Variants in TENM2 observed in about 807,000 individuals in gnomAD.
TENM2 encodes the protein teneurin transmembrane protein 2, also known as teneurin-2.
A neutral mutation model predicts 245.2 loss-of-function variants in TENM2; 52 were observed. The ratio of observed to expected loss-of-function variants is 0.21; its 90% CI spans 0.17 to 0.27. The LOEUF (loss-of-function observed/expected upper bound fraction) is 0.27. Among genes scored for constraint, TENM2 ranks in the 10% least tolerant of loss-of-function variants. The pLI, the probability that TENM2 is intolerant of heterozygous loss-of-function variation, is 1.00. For missense variants in TENM2, 3,046 were observed against 3,666.8 expected (o/e 0.83, Z 4.37); for synonymous variants, 1,363 against 1,438.9 (o/e 0.95, Z 1.19).
Position 167,956,282 on chromosome 5 carries a change from G to A in TENM2, c.947+3460G>A, listed in dbSNP as rs1004713451. On this transcript the variant is annotated intron_variant, in intron 4 of 28. Transcript: ENST00000518659. ...TTGGCTCTCTGTTTGTCTGTTATTG[G>A]TGTATAAAAATGCTTGTGATTTTTG... Among the ~76,000 whole-genome samples the A allele has an allele frequency of 3.3e-5, 5 of 152,092 alleles. No individual in the cohort carries two copies. In the East Asian group the frequency reaches 5.8e-4, roughly 18 times the overall value.
chr5:168,070,797 G>A (rs370732589), intron 7 of TENM2, among the ~76,000 whole-genome samples: 37 of 120,528 alleles, frequency 3.1e-4, no homozygotes, highest in African/African-American at 1.2e-3. Flanking sequence ...GAAAGAAAGA[G>A]AGAGAGAGAG....
chr5:167,933,870 T>G (rs1192102590), intron 3 of TENM2, among the ~76,000 whole-genome samples: 1 of 152,186 alleles, frequency 6.6e-6, no homozygotes, highest in Non-Finnish European at 1.5e-5. Flanking sequence ...CTATGTAAAG[T>G]TCTTAAAACA....
At chr5:167,353,500 GTT>G (rs59240930) in intron 1 of TENM2, among the ~76,000 whole-genome samples, 3 of 79,458 alleles carry the variant, frequency 3.8e-5, no homozygotes, top group South Asian at 6.1e-4. Flanking sequence ...TGTTGTTGTT[GTT>G]TTTTTTTTTT....
chr5:168,182,825 CTTTT>C (rs149579948), intron 13 of TENM2, among the ~76,000 whole-genome samples: 6 of 100,680 alleles, frequency 6.0e-5, no homozygotes, highest in African/African-American at 1.7e-4. Context: ...TCAGGGTGCT[CTTTT>C]TTTTTTTTTT....
intron 12 of TENM2, among the ~76,000 whole-genome samples, chr5:168,162,168 C>T (rs1384301702): frequency 1.3e-5 from 2 of 152,136 alleles, no homozygotes; most frequent in African/African-American, 2.4e-5. Context: ...TGAAAGATGG[C>T]GGGCACTTTG....
chr5:168,144,038 T>C lies in TENM2; in HGVS notation c.2422+17072T>C, dbSNP rs547968615. 2.4e-3 allele frequency among the ~76,000 whole-genome samples: 364 copies of C among 151,316 alleles called. 1 individual carries two copies. The highest frequency in any genetic ancestry group is 3.5e-3 in the Non-Finnish European group (240 of 67,808). ...CTAATTTTTTTTTTTTTTGTATTTT[T>C]AGTAGGGACAGAGTTTCGCCATGTT... On this transcript the variant is annotated intron_variant, in intron 12 of 28. Coordinates refer to ENST00000518659, the Ensembl canonical transcript of TENM2.
chr5:167,960,454 C>T (rs1021166823), intron 4 of TENM2, among the ~76,000 whole-genome samples: 2 of 152,196 alleles, frequency 1.3e-5, no homozygotes, highest in African/African-American at 4.8e-5. Flanking sequence ...CTGTGGTGGG[C>T]TCTGCCCAGT....
chr5:167,430,307 C>T (rs1344746847), intron 2 of TENM2, among the ~76,000 whole-genome samples: 2 of 152,150 alleles, frequency 1.3e-5, no homozygotes, highest in Non-Finnish European at 2.9e-5. Flanking sequence ...CAATCAAACT[C>T]GTACGGTAGA....
rs917626701 is a variant in TENM2 at position 167,626,059 on chromosome 5, A to G, written c.503-249927A>G. Among the ~76,000 whole-genome samples the G allele has an allele frequency of 9.2e-5, 14 of 152,160 alleles. No homozygotes were observed. The East Asian group carries it at 1.9e-3, about 21-fold the overall frequency. ...TTTCTTCCACATTCTGCTCTTTAAA[A>G]GTGATTCACTAAGCCCAGCCCACAT... On this transcript the variant is annotated intron_variant, in intron 2 of 28. Transcript: ENST00000518659.
At chr5:167,540,253 C>T (rs1313248265) in intron 2 of TENM2, among the ~76,000 whole-genome samples, 1 of 152,134 alleles carries the variant, frequency 6.6e-6, no homozygotes, top group East Asian at 1.9e-4. Context: ...GAAACTATCA[C>T]AAATTTAGAG....
At chr5:167,804,535 T>G (rs1296085170) in intron 2 of TENM2, among the ~76,000 whole-genome samples, 1 of 152,166 alleles carries the variant, frequency 6.6e-6, no homozygotes, top group Non-Finnish European at 1.5e-5. Flanking sequence ...ATATTCTGTT[T>G]TATTTCCTTT....
At chr5:167,142,461 CAT>C in the TENM2 span, among the ~76,000 whole-genome samples, 3 of 151,140 alleles carry the variant, frequency 2.0e-5, no homozygotes, top group Non-Finnish European at 1.5e-5. Flanking sequence ...AACTTTTATC[CAT>C]ATATATATAA....
At position 168,247,894 on chromosome 5, in the gene TENM2, C is replaced by T. The variant is rs1486674132; in HGVS notation, c.6955C>T (p.Leu2319=). Residue 2319 remains leucine, a synonymous_variant, in exon 27 of 29, where the codon CTG becomes TTG. Transcript: ENST00000518659. The surrounding 1 kb of genome is among the most constrained non-coding windows in gnomAD (Gnocchi z 7.8). Reference sequence around the variant, plus strand: ...CTACAAGACCAACCTGGGCCACCACCTGCAGTACTTCTACTCTGACCTCCA... The same window carrying T: ...CTACAAGACCAACCTGGGCCACCACTTGCAGTACTTCTACTCTGACCTCCA... 3.1e-6 allele frequency: 5 copies of T among 1,614,002 alleles called. No homozygotes were observed. In the South Asian group the frequency reaches 5.5e-5, roughly 18 times the overall value.
the TENM2 span, among the ~76,000 whole-genome samples, chr5:167,190,189 G>C: frequency 5.1e-4 from 77 of 152,008 alleles, no homozygotes; most frequent in African/African-American, 1.7e-3. Context: ...GAGTATAATG[G>C]GTATAAATAA....
chr5:167,445,177 T>C (rs1765086872), intron 2 of TENM2, among the ~76,000 whole-genome samples: 1 of 151,948 alleles, frequency 6.6e-6, no homozygotes. Flanking sequence ...CCCCATTTAA[T>C]GTGTAAATAA....
the TENM2 span, among the ~76,000 whole-genome samples, chr5:167,195,733 C>A: frequency 6.6e-6 from 1 of 151,230 alleles, no homozygotes. Context: ...TATTTGAATG[C>A]CAAAAAAATA....
intron 2 of TENM2, among the ~76,000 whole-genome samples, chr5:167,383,745 A>G (rs900635196): frequency 6.6e-6 from 1 of 151,222 alleles, no homozygotes; most frequent in African/African-American, 2.5e-5. Flanking sequence ...AAAAAAAAAA[A>G]AAAAACTTCC....
At chr5:167,814,714 G>A (rs1370897021) in intron 2 of TENM2, among the ~76,000 whole-genome samples, 2 of 151,518 alleles carry the variant, frequency 1.3e-5, no homozygotes, top group African/African-American at 2.4e-5. Context: ...CTATATAAAT[G>A]TAGTTATGTA....
chr5:167,778,218 A>G (rs1763942615), intron 2 of TENM2, among the ~76,000 whole-genome samples: 1 of 152,226 alleles, frequency 6.6e-6, no homozygotes, highest in African/African-American at 2.4e-5. Flanking sequence ...GAAAACCCTG[A>G]GATATGAATC....
Sources: gnomAD v4.1 joint callset for allele counts (sites outside exome capture counted in the v4.1 genomes callset) on GRCh38, gnomAD v4.1.1 for gene constraint, Gnocchi (gnomAD v3.1) non-coding constraint, MANE v1.5 for transcripts, NCBI Gene and HGNC (gene_info 2026-07-23, HGNC 2026-07-21) for gene names.